PDE3B: variants seen among roughly 807,000 people sequenced by gnomAD.
PDE3B encodes the protein phosphodiesterase 3B.
Under a neutral mutation model 116.8 loss-of-function variants are expected in PDE3B, and 66 were observed. The ratio of observed to expected loss-of-function variants is 0.56; its 90% CI spans 0.46 to 0.69. The LOEUF is 0.69. PDE3B is among the 30% of genes least tolerant of loss of function. The pLI is 0.00. For missense variants in PDE3B, 1,384 were observed against 1,368.1 expected, an observed-to-expected ratio of 1.01 and a Z score of -0.18; for synonymous variants, 595 against 533.6, an observed-to-expected ratio of 1.12 and a Z score of -1.59.
At chr11:14,873,680 A>C (rs188631348), downstream of PDE3B, among the ~76,000 whole-genome samples, 2 of 152,346 alleles carry the variant, frequency 1.3e-5, no homozygotes, top group Non-Finnish European at 2.9e-5. Flanking sequence ...TGGAACTCAG[A>C]AAAGTGATAG....
chr11:14,688,661 C>T (rs972831927), intron 1 of PDE3B, among the ~76,000 whole-genome samples: 3 of 152,116 alleles, frequency 2.0e-5, no homozygotes, highest in Non-Finnish European at 4.4e-5. Flanking sequence ...CAGCCATTCA[C>T]TTTTTATTTC....
chr11:14,808,567 T>C (rs1859023609), intron 5 of PDE3B, among the ~76,000 whole-genome samples: 1 of 152,290 alleles, frequency 6.6e-6, no homozygotes, highest in African/African-American at 2.4e-5. Context: ...GCCAGGGCAA[T>C]TAGGTGAGAA....
chr11:14,683,068 G>A (rs1225362803), intron 1 of PDE3B, among the ~76,000 whole-genome samples: 2 of 151,878 alleles, frequency 1.3e-5, no homozygotes, highest in African/African-American at 4.8e-5. Context: ...CTCCCAAGTA[G>A]CTGGGATTAC....
At chr11:14,865,707 G>C (rs553035419) in intron 14 of PDE3B, among the ~76,000 whole-genome samples, 24 of 152,122 alleles carry the variant, frequency 1.6e-4, no homozygotes, top group African/African-American at 5.3e-4. Context: ...ATTATACTAT[G>C]CAGTTTGCAT....
At chr11:14,757,885 A>G (rs995800180) in intron 1 of PDE3B, among the ~76,000 whole-genome samples, 10 of 149,406 alleles carry the variant, frequency 6.7e-5, no homozygotes, top group South Asian at 4.4e-4. Flanking sequence ...GCCCATGCCT[A>G]TGTCCTGAAT....
chr11:14,815,281 TAGC>T (rs781752703), intron 5 of PDE3B, among the ~76,000 whole-genome samples: 2 of 152,216 alleles, frequency 1.3e-5, no homozygotes, highest in Non-Finnish European at 2.9e-5. Context: ...ACAACAAATG[TAGC>T]AGCTTTTGTG....
At chr11:14,758,795 C>T in intron 1 of PDE3B, among the ~76,000 whole-genome samples, 1 of 151,716 alleles carries the variant, frequency 6.6e-6, no homozygotes, top group East Asian at 1.9e-4. Context: ...CCAGAACTTC[C>T]AACACTATGT....
chr11:14,871,504 T>G lies in PDE3B; in HGVS notation c.*1844T>G, dbSNP rs1848140836. 6.6e-6 allele frequency: 1 copy of G among 152,200 alleles called. No individual in the cohort carries two copies. The highest frequency in any genetic ancestry group is 1.5e-5 in the Non-Finnish European group (1 of 68,010). The allele number at this position is 152,200 out of a possible 1,614,324, so 9.4% of individuals were successfully genotyped here. On this transcript the variant is annotated 3_prime_UTR_variant, in exon 16 of 16. Coordinates refer to ENST00000282096, the MANE Select transcript of PDE3B (RefSeq NM_000922.4). ...AAGTGTATGTGTATAAAGTCATACA[T>G]GTACAAGCATGCATATTGAGATTGA... is the stretch of plus-strand genomic sequence containing the variant.
At chr11:14,675,036 A>C (rs1854489806) in intron 1 of PDE3B, among the ~76,000 whole-genome samples, 1 of 152,180 alleles carries the variant, frequency 6.6e-6, no homozygotes. Context: ...TATTTCTATT[A>C]AGGCAGTTTG....
intron 1 of PDE3B, among the ~76,000 whole-genome samples, chr11:14,742,786 TTCTG>T (rs1856807494): frequency 6.6e-6 from 1 of 152,102 alleles, no homozygotes; most frequent in African/African-American, 2.4e-5. Context: ...TGCGATTTCT[TTCTG>T]CTTGTTAGTT....
chr11:14,813,686 T>G (rs1280796735), intron 5 of PDE3B, among the ~76,000 whole-genome samples: 1 of 152,162 alleles, frequency 6.6e-6, no homozygotes, highest in Non-Finnish European at 1.5e-5. Context: ...ATGGACATCT[T>G]TGGGGGTGAT....
chr11:14,643,965 G>T lies in PDE3B; in HGVS notation c.-111G>T. The T allele has an allele frequency of 7.3e-7, 1 of 1,369,304 alleles. No homozygotes were observed. Among genetic ancestry groups the T allele is most frequent in the Non-Finnish European group, 9.4e-7 (1 of 1,067,934 alleles). 84.8% of individuals were successfully genotyped at this position (1,369,304 alleles called of 1,614,324 possible). A position where few individuals can be genotyped will look rare whatever the true frequency, so the allele number is the denominator to read the frequency against. On this transcript the variant is annotated 5_prime_UTR_variant, in exon 1 of 16. Coordinates refer to ENST00000282096, the MANE Select transcript of PDE3B (RefSeq NM_000922.4). ...GTGGCGGCCGGCGCAGCCCTGACGG[G>T]TTGCGAACCAGGGGGCGCCCCGAAC...
chr11:14,735,386 A>G (rs1177807640), intron 1 of PDE3B, among the ~76,000 whole-genome samples: 3 of 152,232 alleles, frequency 2.0e-5, no homozygotes, highest in Non-Finnish European at 2.9e-5. Flanking sequence ...AAGCAGGACA[A>G]TAGTGAAGAG....
At chr11:14,699,931 A>C (rs1272084709) in intron 1 of PDE3B, among the ~76,000 whole-genome samples, 1 of 151,792 alleles carries the variant, frequency 6.6e-6, no homozygotes, top group Non-Finnish European at 1.5e-5. Flanking sequence ...TGAAATTGCT[A>C]TCTCAGTGGC....
intron 1 of PDE3B, among the ~76,000 whole-genome samples, chr11:14,659,043 C>T (rs1170630766): frequency 6.6e-6 from 1 of 152,068 alleles, no homozygotes; most frequent in Admixed American, 6.5e-5. Flanking sequence ...AACAGGATGC[C>T]TAAGGAATAA....
intron 1 of PDE3B, among the ~76,000 whole-genome samples, chr11:14,653,277 A>G (rs566855192): frequency 2.6e-5 from 4 of 152,330 alleles, no homozygotes; most frequent in East Asian, 3.9e-4. Context: ...CAGGTTGGCA[A>G]TGTTCCAAGG....
chr11:14,686,061 C>T (rs1294767553), intron 1 of PDE3B, among the ~76,000 whole-genome samples: 2 of 152,148 alleles, frequency 1.3e-5, no homozygotes, highest in Non-Finnish European at 2.9e-5. Flanking sequence ...TGTTGAAGTT[C>T]TTCAGTTTTG....
At chr11:14,759,873 G>C (rs941575351) in intron 1 of PDE3B, among the ~76,000 whole-genome samples, 2 of 151,998 alleles carry the variant, frequency 1.3e-5, no homozygotes, top group Non-Finnish European at 2.9e-5. Flanking sequence ...GTGGTTTAGA[G>C]CTCAGCTTCA....
chr11:14,893,754 G>A, the PDE3B span, among the ~76,000 whole-genome samples: 1 of 152,042 alleles, frequency 6.6e-6, no homozygotes, highest in Non-Finnish European at 1.5e-5. Context: ...GGGCCCACCT[G>A]GATAATCCCA....
Sources: gnomAD v4.1 joint callset for allele counts (sites outside exome capture counted in the v4.1 genomes callset) on GRCh38, gnomAD v4.1.1 for gene constraint, MANE v1.5 for transcripts, NCBI Gene and HGNC (gene_info 2026-07-23, HGNC 2026-07-21) for gene names.